JAZF1: variants seen among roughly 807,000 people sequenced by gnomAD.
JAZF1 encodes JAZF zinc finger 1.
In JAZF1, 8 loss-of-function variants were observed where a neutral mutation model predicts 26.4. That is an observed-to-expected ratio of 0.30 (90% CI 0.18 to 0.55). The LOEUF is 0.55. Ranked by LOEUF, JAZF1 falls within the 20% of genes least tolerant of loss-of-function variation. The probability of loss-of-function intolerance (pLI) is 0.94; values close to 1 mark genes in which losing one functional copy is unlikely to be tolerated. For synonymous variants in JAZF1, 126 were observed against 122.3 expected (o/e 1.03, Z -0.20); for missense variants, 199 against 322.0 (o/e 0.62, Z 2.92).
At chr7:28,067,589 G>A (rs1783904792) in intron 1 of JAZF1, among the ~76,000 whole-genome samples, 1 of 152,158 alleles carries the variant, frequency 6.6e-6, no homozygotes, top group Non-Finnish European at 1.5e-5. Flanking sequence ...CAATGATGGA[G>A]CAAGTGTTGG....
intron 1 of JAZF1, among the ~76,000 whole-genome samples, chr7:28,149,273 T>C (rs1218079411): frequency 1.3e-5 from 2 of 152,144 alleles, no homozygotes; most frequent in African/African-American, 2.4e-5. Flanking sequence ...AACAAATGCA[T>C]GAAAAGCCTC....
chr7:28,005,666 G>A (rs527587073), intron 1 of JAZF1, among the ~76,000 whole-genome samples: 4 of 152,250 alleles, frequency 2.6e-5, no homozygotes, highest in East Asian at 3.9e-4. Flanking sequence ...GGGATTTATC[G>A]TTCCTGATTC....
At chr7:27,979,470 C>G (rs1785539096) in intron 2 of JAZF1, among the ~76,000 whole-genome samples, 1 of 135,142 alleles carries the variant, frequency 7.4e-6, no homozygotes, top group South Asian at 2.4e-4. Context: ...CTAACTGTAG[C>G]CTTGAACTCC....
At chr7:28,101,423 G>C (rs1192762329) in intron 1 of JAZF1, among the ~76,000 whole-genome samples, 1 of 152,024 alleles carries the variant, frequency 6.6e-6, no homozygotes, top group Non-Finnish European at 1.5e-5. Flanking sequence ...GGCTGAAAGG[G>C]AATCACAGAA....
chr7:28,170,978 T>C (rs1412243276), intron 1 of JAZF1, among the ~76,000 whole-genome samples: 1 of 152,222 alleles, frequency 6.6e-6, no homozygotes, highest in South Asian at 2.1e-4. Flanking sequence ...CAGTAGGTAC[T>C]GTGAAAGGAA....
At chr7:27,834,926 A>AG (rs1455682822) in intron 4 of JAZF1, among the ~76,000 whole-genome samples, 2 of 152,256 alleles carry the variant, frequency 1.3e-5, no homozygotes, top group African/African-American at 4.8e-5. Context: ...TATGACCATT[A>AG]GATAAAGACT....
chr7:27,976,578 C>A (rs1371883446), intron 2 of JAZF1, among the ~76,000 whole-genome samples: 1 of 152,054 alleles, frequency 6.6e-6, no homozygotes, highest in Admixed American at 6.6e-5. Context: ...AAACTTCAGT[C>A]TGGAGCTGGG....
chr7:27,958,527 A>G (rs758547366), intron 2 of JAZF1, among the ~76,000 whole-genome samples: 4 of 152,212 alleles, frequency 2.6e-5, no homozygotes, highest in Non-Finnish European at 4.4e-5. Context: ...CAGAGGGAAC[A>G]TGGCTGCTGC....
chr7:27,937,403 G>A (rs1156813767), intron 2 of JAZF1, among the ~76,000 whole-genome samples: 1 of 152,136 alleles, frequency 6.6e-6, no homozygotes, highest in Non-Finnish European at 1.5e-5. Context: ...GCTGTTGTGA[G>A]GATTAAATGA....
chr7:28,145,109 G>A (rs565292937), intron 1 of JAZF1, among the ~76,000 whole-genome samples: 1 of 152,226 alleles, frequency 6.6e-6, no homozygotes, highest in African/African-American at 2.4e-5. Flanking sequence ...AAGAAACCAA[G>A]AGATCAAAGC....
chr7:28,148,874 G>A (rs1311371873), intron 1 of JAZF1, among the ~76,000 whole-genome samples: 2 of 152,190 alleles, frequency 1.3e-5, no homozygotes, highest in African/African-American at 2.4e-5. Context: ...TGCAACTCAG[G>A]GTCTGGAGGA....
rs575866582 is a variant in JAZF1 at position 28,008,062 on chromosome 7, A to T, written c.116-16081T>A. Among the ~76,000 whole-genome samples, 50 of 152,270 alleles carry T rather than the reference A, an allele frequency of 3.3e-4. No homozygotes were observed. In the South Asian group the frequency reaches 9.4e-3, roughly 28 times the overall value. Reference sequence around the variant, plus strand: ...ATTTCTCCTTTGGGTGACTGATCTTAAAAAACACCAGAGGTTCTAGTCCAG... The same window carrying T: ...ATTTCTCCTTTGGGTGACTGATCTTTAAAAACACCAGAGGTTCTAGTCCAG... On this transcript the variant is annotated intron_variant, in intron 1 of 4. Transcript: ENST00000283928.
rs79450690 is a variant in JAZF1 at position 27,846,399 on chromosome 7, G to A, written c.386-5532C>T. On this transcript the variant is annotated intron_variant, in intron 3 of 4. Coordinates refer to ENST00000283928, the MANE Select transcript of JAZF1 (RefSeq NM_175061.4). ...TACATGTACGTATATATACATATACGTATACATGTATATATATACATATAT... is the reference window on the plus strand; with the variant it reads ...TACATGTACGTATATATACATATACATATACATGTATATATATACATATAT... The A allele has an allele frequency of 2.7e-3, 1,186 of 446,052 alleles. 11 individuals are homozygous for A. The highest frequency in any genetic ancestry group is 0.022 in the African/African-American group (1,075 of 49,314). 27.6% of individuals were successfully genotyped at this position (446,052 alleles called of 1,614,324 possible). A position where few individuals can be genotyped will look rare whatever the true frequency, so the allele number is the denominator to read the frequency against.
rs575536776 is a variant in JAZF1 at position 28,134,543 on chromosome 7, C to T, written c.115+45920G>A. On this transcript the variant is annotated intron_variant, in intron 1 of 4. Coordinates refer to ENST00000283928, the MANE Select transcript of JAZF1 (RefSeq NM_175061.4). ...GCCCAGGTTGGTTTTGAATTCTTGG[C>T]TTCAAACGATCCTCCCTCTTCAGCC... 4.7e-5 allele frequency among the ~76,000 whole-genome samples: 7 copies of T among 149,074 alleles called. No homozygotes were observed. In the South Asian group the frequency reaches 1.5e-3, roughly 32 times the overall value.
At chr7:27,976,728 T>G (rs939721195) in intron 2 of JAZF1, among the ~76,000 whole-genome samples, 1 of 152,088 alleles carries the variant, frequency 6.6e-6, no homozygotes, top group African/African-American at 2.4e-5. Flanking sequence ...CTTTTAGATT[T>G]AAAAAACATC....
At chr7:28,130,125 T>C (rs1782766671) in intron 1 of JAZF1, among the ~76,000 whole-genome samples, 1 of 152,242 alleles carries the variant, frequency 6.6e-6, no homozygotes, top group Non-Finnish European at 1.5e-5. Context: ...CAGAGTTTAT[T>C]AGTAATCTTT....
intron 3 of JAZF1, among the ~76,000 whole-genome samples, chr7:27,845,020 AT>A (rs1782991633): frequency 6.6e-6 from 1 of 152,280 alleles, no homozygotes; most frequent in African/African-American, 2.4e-5. Flanking sequence ...ACAGAAGATC[AT>A]AAGGAAATGA....
chr7:27,978,724 C>T (rs1785519147), intron 2 of JAZF1, among the ~76,000 whole-genome samples: 1 of 152,164 alleles, frequency 6.6e-6, no homozygotes, highest in South Asian at 2.1e-4. Flanking sequence ...TATTACTCCT[C>T]TTGGAGACTT....
chr7:28,075,698 T>C (rs1241728683), intron 1 of JAZF1, among the ~76,000 whole-genome samples: 1 of 152,200 alleles, frequency 6.6e-6, no homozygotes, highest in Admixed American at 6.5e-5. Context: ...ATAGTGAATA[T>C]ACTTTACTTA....
Sources: gnomAD v4.1 joint callset for allele counts (sites outside exome capture counted in the v4.1 genomes callset) on GRCh38, gnomAD v4.1.1 for gene constraint, MANE v1.5 for transcripts, NCBI Gene and HGNC (gene_info 2026-07-23, HGNC 2026-07-21) for gene names.